Variants in GALNT13 observed in about 807,000 individuals in gnomAD.
GALNT13 encodes UDP-GalNAc:polypeptide N-acetylgalactosaminyltransferase 13.
GALNT13 carries 28 observed loss-of-function variants against 64.2 expected under a neutral mutation model. That is an observed-to-expected ratio of 0.44 (90% CI 0.32 to 0.60). The LOEUF (loss-of-function observed/expected upper bound fraction) is 0.60, where lower values mean the gene tolerates loss of function less well. Among genes scored for constraint, GALNT13 ranks in the 20% least tolerant of loss-of-function variants. The pLI, the probability that GALNT13 is intolerant of heterozygous loss-of-function variation, is 0.05. For missense variants in GALNT13, 577 were observed against 669.8 expected (o/e 0.86, Z 1.53); for synonymous variants, 214 against 224.6 (o/e 0.95, Z 0.42).
the GALNT13 span, among the ~76,000 whole-genome samples, chr2:153,608,434 GT>G: frequency 2.0e-5 from 3 of 151,878 alleles, no homozygotes; most frequent in African/African-American, 7.3e-5. Flanking sequence ...GAAATATTTT[GT>G]TGGTTTTATT....
chr2:154,011,312 T>G (rs1375220922), intron 3 of GALNT13, among the ~76,000 whole-genome samples: 5 of 152,182 alleles, frequency 3.3e-5, no homozygotes, highest in African/African-American at 9.6e-5. Context: ...AATTCTTGAT[T>G]TCTGCCTTAA....
chr2:153,364,140 C>T, the GALNT13 span, among the ~76,000 whole-genome samples: 1 of 152,160 alleles, frequency 6.6e-6, no homozygotes, highest in Non-Finnish European at 1.5e-5. Context: ...ACAAAAACCA[C>T]ATGATTATCT....
intron 4 of GALNT13, chr2:154,235,964 C>G: frequency 1.5e-6 from 1 of 648,756 alleles, no homozygotes; most frequent in South Asian, 2.0e-5. Context: ...ATGTTACAGA[C>G]ATTGGAAATA....
the GALNT13 span, among the ~76,000 whole-genome samples, chr2:153,313,767 G>T: frequency 1.3e-5 from 2 of 152,232 alleles, no homozygotes; most frequent in African/African-American, 2.4e-5. Flanking sequence ...CCCAATTCAA[G>T]CAAAAGTAAA....
At chr2:154,343,759 A>G (rs1695904979) in intron 9 of GALNT13, among the ~76,000 whole-genome samples, 1 of 152,076 alleles carries the variant, frequency 6.6e-6, no homozygotes, top group Non-Finnish European at 1.5e-5. Context: ...ATAATCAGAA[A>G]AGGACAAGAG....
At chr2:153,257,404 A>C in the GALNT13 span, among the ~76,000 whole-genome samples, 1 of 151,572 alleles carries the variant, frequency 6.6e-6, no homozygotes, top group Non-Finnish European at 1.5e-5. Context: ...TGCAGAAATC[A>C]CCCGTCTTCT....
At chr2:154,251,062 T>G (rs952767652) in intron 7 of GALNT13, among the ~76,000 whole-genome samples, 1 of 152,162 alleles carries the variant, frequency 6.6e-6, no homozygotes, top group African/African-American at 2.4e-5. Flanking sequence ...AAGAGTACTT[T>G]TATATTATAT....
At chr2:153,641,651 A>G in the GALNT13 span, among the ~76,000 whole-genome samples, 3 of 152,120 alleles carry the variant, frequency 2.0e-5, no homozygotes, top group African/African-American at 7.2e-5. Context: ...TCAGAGCAGC[A>G]CTGTTAATTT....
the GALNT13 span, among the ~76,000 whole-genome samples, chr2:153,118,885 A>G: frequency 1.3e-5 from 2 of 152,164 alleles, no homozygotes; most frequent in Non-Finnish European, 2.9e-5. Context: ...TCCCCACCCA[A>G]ATCTCATCTT....
chr2:153,452,151 C>T, the GALNT13 span, among the ~76,000 whole-genome samples: 1 of 152,166 alleles, frequency 6.6e-6, no homozygotes, highest in African/African-American at 2.4e-5. Flanking sequence ...TTTTTGCCTG[C>T]TTAGAGAGCT....
At chr2:153,588,620 C>T in the GALNT13 span, among the ~76,000 whole-genome samples, 11 of 152,206 alleles carry the variant, frequency 7.2e-5, no homozygotes, top group African/African-American at 2.7e-4. Flanking sequence ...GCCTCCAGGC[C>T]TGTGATTGGA....
chr2:153,298,931 G>C, the GALNT13 span, among the ~76,000 whole-genome samples: 1 of 152,088 alleles, frequency 6.6e-6, no homozygotes, highest in Non-Finnish European at 1.5e-5. Flanking sequence ...TTTTCATAAA[G>C]GAATAGATAT....
Position 154,263,832 on chromosome 2 carries a change from C to T in GALNT13, c.975+4694C>T, listed in dbSNP as rs73007775. Among the ~76,000 whole-genome samples the T allele has an allele frequency of 3.0e-3, 451 of 152,164 alleles. 2 individuals are homozygous for T. Among genetic ancestry groups the T allele is most frequent in the African/African-American group, 4.0e-3 (168 of 41,532 alleles). On this transcript the variant is annotated intron_variant, in intron 8 of 12. Coordinates refer to ENST00000392825, the MANE Select transcript of GALNT13 (RefSeq NM_052917.4). ...CAAGTACTAGATTTACCATTCTCCTCGTCATTCACCTGAATAAATTAAAAA... is the reference window on the plus strand; with the variant it reads ...CAAGTACTAGATTTACCATTCTCCTTGTCATTCACCTGAATAAATTAAAAA...
chr2:153,664,049 C>T, the GALNT13 span, among the ~76,000 whole-genome samples: 1 of 152,144 alleles, frequency 6.6e-6, no homozygotes, highest in Non-Finnish European at 1.5e-5. Flanking sequence ...TGATGAGGTT[C>T]CATGTCCCGC....
rs111371540 is a variant in GALNT13 at position 154,379,386 on chromosome 2, A to G, written c.1157-16605A>G. ...CATTTTCTTAATCTTACTACAGACT[A>G]TCTTTAATAGTAGATATCATGGTTA... On this transcript the variant is annotated intron_variant, in intron 9 of 12. Transcript: ENST00000392825. Among the ~76,000 whole-genome samples, 401 of 152,112 alleles carry G rather than the reference A, an allele frequency of 2.6e-3. 5 individuals carry two copies. Among genetic ancestry groups the G allele is most frequent in the African/African-American group, 9.1e-3 (377 of 41,564 alleles).
chr2:154,295,147 A>G (rs1417886209), intron 8 of GALNT13, among the ~76,000 whole-genome samples: 1 of 152,168 alleles, frequency 6.6e-6, no homozygotes, highest in East Asian at 1.9e-4. Flanking sequence ...GCAAATGGAG[A>G]GTCATGAGGA....
At chr2:154,098,586 C>T (rs1321244904) in intron 3 of GALNT13, among the ~76,000 whole-genome samples, 1 of 151,850 alleles carries the variant, frequency 6.6e-6, no homozygotes, top group African/African-American at 2.4e-5. Context: ...ATTTTTCAAC[C>T]CTTATAGGTA....
the GALNT13 span, among the ~76,000 whole-genome samples, chr2:153,714,815 A>C: frequency 6.6e-6 from 1 of 152,210 alleles, no homozygotes; most frequent in African/African-American, 2.4e-5. Flanking sequence ...TAGAGTATAA[A>C]GAAAAAGAAA....
the GALNT13 span, among the ~76,000 whole-genome samples, chr2:153,522,697 T>C: frequency 6.6e-6 from 1 of 152,172 alleles, no homozygotes; most frequent in Non-Finnish European, 1.5e-5. Context: ...TGGCCCCCTT[T>C]TTAATTGGAT....
Sources: allele counts gnomAD v4.1 joint callset (sites outside exome capture counted in the v4.1 genomes callset), GRCh38; gene constraint gnomAD v4.1.1; transcripts MANE v1.5; gene names NCBI Gene and HGNC (gene_info 2026-07-23, HGNC 2026-07-21).